The following G3BP2 variants were observed in gnomAD, a reference collection of about 807,000 sequenced individuals.
G3BP2 encodes the protein G3BP stress granule assembly factor 2.
In G3BP2, 11 loss-of-function variants were observed where a neutral mutation model predicts 56.7. The observed-to-expected ratio is 0.19, with a 90% CI of 0.12 to 0.32. G3BP2 has a LOEUF of 0.32. G3BP2 is among the 10% of genes least tolerant of loss of function. The pLI is 1.00. For missense variants in G3BP2, 340 were observed against 610.9 expected, an observed-to-expected ratio of 0.56 and a Z score of 4.67; for synonymous variants, 165 against 191.6, an observed-to-expected ratio of 0.86 and a Z score of 1.15.
intron 1 of G3BP2, among the ~76,000 whole-genome samples, chr4:75,662,695 G>A (rs555084008): frequency 1.6e-4 from 25 of 152,092 alleles, no homozygotes; most frequent in Admixed American, 1.2e-3. Flanking sequence ...CCTACCCTTC[G>A]GTAAAGGGAA....
intron 7 of G3BP2, among the ~76,000 whole-genome samples, chr4:75,654,491 T>C (rs111854826): frequency 1.2e-3 from 176 of 152,352 alleles, no homozygotes; most frequent in Middle Eastern, 0.01. Flanking sequence ...CTGGAAACTC[T>C]GACATTCACA....
intron 3 of G3BP2, among the ~76,000 whole-genome samples, chr4:75,707,187 A>C (rs1560421674): frequency 1.3e-5 from 2 of 151,808 alleles, no homozygotes; most frequent in Non-Finnish European, 1.5e-5. Context: ...AAAAAAAAAA[A>C]AAAAAACAGA....
chr4:75,658,427 T>C (rs1205046649), intron 3 of G3BP2, among the ~76,000 whole-genome samples: 1 of 140,954 alleles, frequency 7.1e-6, no homozygotes, highest in Non-Finnish European at 1.6e-5. Flanking sequence ...AACAATCATA[T>C]TGGGGAAAAA....
At chr4:75,718,472 CA>C (rs922155341) in intron 3 of G3BP2, among the ~76,000 whole-genome samples, 2 of 151,522 alleles carry the variant, frequency 1.3e-5, no homozygotes, top group South Asian at 2.1e-4. Context: ...AAAATAATTT[CA>C]AAAAAAACTG....
Position 75,710,213 on chromosome 4 carries a change from T to G in G3BP2, c.-25+10664A>C, listed in dbSNP as rs573277448. Among the ~76,000 whole-genome samples the G allele has an allele frequency of 3.9e-5, 6 of 152,266 alleles. No homozygotes were observed. The East Asian group carries it at 1.2e-3, about 29-fold the overall frequency. The stretch of plus-strand genomic sequence containing the variant: ...CCTGGGCTCAAGCAATCCTCCTGCC[T>G]TGACCTCCCAAAGTGCTGGGATTAC... On this transcript the variant is annotated intron_variant, in intron 3 of 3. Coordinates refer to the G3BP2 transcript ENST00000499709.
upstream of G3BP2, among the ~76,000 whole-genome samples, chr4:75,675,303 G>A (rs979513922): frequency 2.0e-5 from 3 of 152,130 alleles, no homozygotes; most frequent in African/African-American, 4.8e-5. Flanking sequence ...CATGTATCCT[G>A]CAGAGGTGCA....
chr4:75,686,975 C>A (rs377762742), intron 3 of G3BP2, among the ~76,000 whole-genome samples: 14 of 152,148 alleles, frequency 9.2e-5, no homozygotes, highest in African/African-American at 3.4e-4. Context: ...TGCCTGCAAT[C>A]GCAGCACTTG....
At chr4:75,673,644 C>CAGCGGAAAGGCA (rs1733706074), upstream of G3BP2, 3 of 1,229,588 alleles carry the variant, frequency 2.4e-6, no homozygotes, top group African/African-American at 3.1e-5. Context: ...GCTGATTTGA[C>CAGCGGAAAGGCA]GTCACAAGCA....
intron 3 of G3BP2, among the ~76,000 whole-genome samples, chr4:75,719,779 G>A (rs1365864520): frequency 6.6e-6 from 1 of 151,772 alleles, no homozygotes; most frequent in Non-Finnish European, 1.5e-5. Flanking sequence ...AGTAGAGACG[G>A]GATTTCTCCA....
intron 1 of G3BP2, among the ~76,000 whole-genome samples, chr4:75,722,859 C>T (rs1720229929): frequency 6.6e-6 from 1 of 152,150 alleles, no homozygotes; most frequent in Admixed American, 6.5e-5. Flanking sequence ...AAGGGAACCT[C>T]CTCTTAGTAT....
At chr4:75,720,973 C>CAAAAAA (rs143804378) in intron 2 of G3BP2, among the ~76,000 whole-genome samples, 1 of 69,564 alleles carries the variant, frequency 1.4e-5, no homozygotes, top group Non-Finnish European at 3.1e-5. Flanking sequence ...TTCATCTCTA[C>CAAAAAA]AAAAAAAAAA....
Position 75,694,926 on chromosome 4 carries a change from G to C in G3BP2, c.-25+25951C>G, listed in dbSNP as rs563413883. 329 of 985,582 alleles carry C rather than the reference G, an allele frequency of 3.3e-4. 1 individual carries two copies. The highest frequency in any genetic ancestry group is 3.8e-4 in the Non-Finnish European group (314 of 830,086). The allele number at this position is 985,582 out of a possible 1,614,324, so 61.1% of individuals were successfully genotyped here. ...GACAGGAAGCGATAAGGACATGAAG[G>C]AAACTGGAGCAGCAAGACAAGAAAG... On this transcript the variant is annotated intron_variant, in intron 3 of 3. Transcript: ENST00000499709.
At chr4:75,656,823 A>G in intron 5 of G3BP2, 101 bp downstream of exon 5, 2 of 693,030 alleles carry the variant, frequency 2.9e-6, no homozygotes, top group East Asian at 2.8e-5. Flanking sequence ...ACACAGTTAC[A>G]ATAAAGCAGC....
At chr4:75,711,087 A>G (rs1442235467) in intron 3 of G3BP2, among the ~76,000 whole-genome samples, 8 of 152,156 alleles carry the variant, frequency 5.3e-5, no homozygotes, top group Admixed American at 4.6e-4. Flanking sequence ...TGGGAGGCCA[A>G]GACGGACAGA....
At chr4:75,653,589 T>TTTTA (rs1560613842) in intron 8 of G3BP2, among the ~76,000 whole-genome samples, 1 of 121,528 alleles carries the variant, frequency 8.2e-6, no homozygotes, top group African/African-American at 3.1e-5. Flanking sequence ...TTTTTTGCTT[T>TTTTA]AAAAAAAAAA....
intron 3 of G3BP2, among the ~76,000 whole-genome samples, chr4:75,683,037 T>C (rs1734143677): frequency 6.6e-6 from 1 of 151,806 alleles, no homozygotes; most frequent in South Asian, 2.1e-4. Flanking sequence ...CAGCGCATTG[T>C]GACTTTCTTC....
At chr4:75,708,579 A>T (rs543660743) in intron 3 of G3BP2, among the ~76,000 whole-genome samples, 1 of 152,338 alleles carries the variant, frequency 6.6e-6, no homozygotes, top group South Asian at 2.1e-4. Flanking sequence ...GGAAGCAGTA[A>T]TTTGTGAGAC....
chr4:75,710,672 T>C (rs1347052186), intron 3 of G3BP2, among the ~76,000 whole-genome samples: 4 of 152,102 alleles, frequency 2.6e-5, no homozygotes, highest in African/African-American at 4.8e-5. Context: ...TGGCTTTATT[T>C]ATTTATTTTT....
intron 3 of G3BP2, among the ~76,000 whole-genome samples, chr4:75,681,217 G>A (rs930738512): frequency 7.2e-5 from 11 of 151,912 alleles, no homozygotes; most frequent in East Asian, 2.0e-4. Flanking sequence ...CCAGCTACTC[G>A]GGAGGCTGAG....
Sources: gnomAD v4.1 joint callset for allele counts (sites outside exome capture counted in the v4.1 genomes callset) on GRCh38, gnomAD v4.1.1 for gene constraint, MANE v1.5 for transcripts, NCBI Gene and HGNC (gene_info 2026-07-23, HGNC 2026-07-21) for gene names.